ITSN1: variants seen among roughly 807,000 people sequenced by gnomAD.
ITSN1 encodes intersectin 1.
A neutral mutation model predicts 239.8 loss-of-function variants in ITSN1; 58 were observed. The observed-to-expected ratio is 0.24, with a 90% CI of 0.20 to 0.30. ITSN1 has a LOEUF of 0.30. ITSN1 is among the 10% of genes least tolerant of loss of function. The pLI, the probability that ITSN1 is intolerant of heterozygous loss-of-function variation, is 1.00. For synonymous variants in ITSN1, 780 were observed against 770.8 expected, an observed-to-expected ratio of 1.01 and a Z score of -0.20; for missense variants, 1,558 against 2,103.3, an observed-to-expected ratio of 0.74 and a Z score of 5.07.
At chr21:33,767,514 C>T (rs2068807634) in intron 10 of ITSN1, among the ~76,000 whole-genome samples, 199 bp from the exon 11 acceptor site, 2 of 152,190 alleles carry the variant, frequency 1.3e-5, no homozygotes. Flanking sequence ...AAGCTTGGCA[C>T]TCAGAGTCTG....
chr21:33,869,788 G>C (rs1323628219), intron 33 of ITSN1, among the ~76,000 whole-genome samples: 1 of 152,040 alleles, frequency 6.6e-6, no homozygotes, highest in Admixed American at 6.5e-5. Flanking sequence ...CTACTGGGGT[G>C]ATTTTGTTTT....
intron 10 of ITSN1, among the ~76,000 whole-genome samples, chr21:33,767,275 G>A (rs958947780): frequency 2.0e-5 from 3 of 152,182 alleles, no homozygotes; most frequent in East Asian, 1.9e-4. Context: ...TATAGACATT[G>A]CATGTGTTTC....
intron 5 of ITSN1, among the ~76,000 whole-genome samples, chr21:33,743,523 G>A (rs2066992202): frequency 7.3e-6 from 1 of 136,932 alleles, no homozygotes; most frequent in Admixed American, 7.7e-5. Context: ...ACAGTAACAA[G>A]TATTTAAGAC....
intron 31 of ITSN1, among the ~76,000 whole-genome samples, chr21:33,860,762 G>A (rs907846745): frequency 8.5e-5 from 13 of 152,118 alleles, no homozygotes; most frequent in African/African-American, 2.7e-4. Flanking sequence ...TCCTGCCCCC[G>A]TGGAAAAAAA....
rs545845224 is a variant in ITSN1, at chr21:33,812,489, A to T, written c.2567+1267A>T. ...AGTCACACAGACATGTTTATCTAAAATTATTTTTTATTATTTATTATTATT... is the reference window on the plus strand; with the variant it reads ...AGTCACACAGACATGTTTATCTAAATTTATTTTTTATTATTTATTATTATT... On this transcript the variant is annotated intron_variant, in intron 21 of 39. Coordinates refer to ENST00000381318, the MANE Select transcript of ITSN1 (RefSeq NM_003024.3). Among the ~76,000 whole-genome samples the T allele has an allele frequency of 5.9e-5, 9 of 152,236 alleles. No individual in the cohort carries two copies. The South Asian group carries it at 1.4e-3, about 25-fold the overall frequency.
chr21:33,886,352 G>C lies in ITSN1; in HGVS notation c.4909G>C (p.Asp1637His). ...SQCHITKTIQ[D>H]TLNPKWNSNC... ...GTGCCACATCACCAAGACGATCCAGGACACTCTGAACCCCAAGTGGAATTC... is the reference window on the plus strand; with the variant it reads ...GTGCCACATCACCAAGACGATCCAGCACACTCTGAACCCCAAGTGGAATTC... Residue 1637 changes from aspartate to histidine, a missense_variant, in exon 39 of 40, where the codon GAC (aspartate) becomes CAC (histidine). Asp to His is a moderately conservative substitution (Grantham distance 81). Around this residue, in one of 2 missense-constraint regions of ITSN1, gnomAD observed 576 missense variants for 893.3 expected, o/e 0.64. Transcript: ENST00000381318. The C allele has an allele frequency of 1.2e-6, 2 of 1,614,134 alleles. No individual in the cohort carries two copies. Among genetic ancestry groups the C allele is most frequent in the South Asian group, 2.2e-5 (2 of 91,076 alleles).
intron 31 of ITSN1, among the ~76,000 whole-genome samples, chr21:33,859,008 C>T (rs1297409420): frequency 6.6e-6 from 1 of 152,052 alleles, no homozygotes; most frequent in East Asian, 1.9e-4. Flanking sequence ...GAGTAGGTTT[C>T]CTGGGCACCC....
At chr21:33,830,637 T>G (rs1370710993) in intron 27 of ITSN1, among the ~76,000 whole-genome samples, 1 of 152,090 alleles carries the variant, frequency 6.6e-6, no homozygotes, top group Non-Finnish European at 1.5e-5. Flanking sequence ...CTAGACTCAG[T>G]GCAGTATCTA....
chr21:33,796,528 G>A (rs1401526888), intron 17 of ITSN1, among the ~76,000 whole-genome samples: 2 of 152,200 alleles, frequency 1.3e-5, no homozygotes, highest in Non-Finnish European at 2.9e-5. Context: ...CCGATGACCT[G>A]TGTGCGTTAG....
chr21:33,768,566 T>C (rs2068885903), intron 11 of ITSN1, among the ~76,000 whole-genome samples: 1 of 152,024 alleles, frequency 6.6e-6, no homozygotes, highest in Admixed American at 6.6e-5. Flanking sequence ...TAGGCGTGAG[T>C]CACTGTGCCC....
At chr21:33,802,286 A>G in intron 19 of ITSN1, 144 bp from the exon 20 acceptor site, 3 of 722,076 alleles carry the variant, frequency 4.2e-6, no homozygotes, top group Non-Finnish European at 4.8e-6. Context: ...TTGTAATCCT[A>G]GGCCTGTTGA....
chr21:33,746,027 A>G lies in ITSN1; in HGVS notation c.347-4116A>G, dbSNP rs114484631. On this transcript the variant is annotated intron_variant, in intron 5 of 39. Coordinates refer to ENST00000381318, the MANE Select transcript of ITSN1 (RefSeq NM_003024.3). Reference sequence around the variant, plus strand: ...CCTTACTGACTTGAGGTGTTTGAGCACAACTTCCGTCCCATCATTGGCTGA... The same window carrying G: ...CCTTACTGACTTGAGGTGTTTGAGCGCAACTTCCGTCCCATCATTGGCTGA... Among the ~76,000 whole-genome samples, 448 of 152,338 alleles carry G rather than the reference A, an allele frequency of 2.9e-3. 3 individuals are homozygous for G. The highest frequency in any genetic ancestry group is 0.01 in the African/African-American group (422 of 41,576).
At chr21:33,667,309 A>G (rs1410093376) in intron 1 of ITSN1, among the ~76,000 whole-genome samples, 4 of 152,024 alleles carry the variant, frequency 2.6e-5, no homozygotes, top group African/African-American at 9.7e-5. Context: ...GTGATCCTCA[A>G]TAATTTTTAA....
chr21:33,829,250 G>T (rs1032515335), intron 26 of ITSN1: 1 of 346,094 alleles, frequency 2.9e-6, no homozygotes, highest in Non-Finnish European at 5.6e-6. Context: ...CTGTGCTGGG[G>T]TGGGTGGTGA....
At chr21:33,713,024 C>G (rs1479613986) in intron 1 of ITSN1, among the ~76,000 whole-genome samples, 1 of 151,860 alleles carries the variant, frequency 6.6e-6, no homozygotes, top group Non-Finnish European at 1.5e-5. Flanking sequence ...ATTACGAGTG[C>G]CCACCACCAC....
chr21:33,736,921 C>A (rs1184025567), intron 5 of ITSN1, among the ~76,000 whole-genome samples: 1 of 152,098 alleles, frequency 6.6e-6, no homozygotes. Context: ...AGAGGTCAAG[C>A]CTGCAGTGAG....
chr21:33,898,306 G>A lies in ITSN1; in HGVS notation c.*10006G>A, dbSNP rs1474142707. On this transcript the variant is annotated 3_prime_UTR_variant, in exon 40 of 40. Coordinates refer to ENST00000381318, the MANE Select transcript of ITSN1 (RefSeq NM_003024.3). ...TGCATCCTCACTGTCTTCAACTGTT[G>A]CATAGCCAGGTGGGTGGATGGATGG... 2 of 152,348 alleles carry A rather than the reference G, an allele frequency of 1.3e-5. No individual in the cohort carries two copies. The highest frequency in any genetic ancestry group is 3.8e-4 in the East Asian group (2 of 5,196). The allele number at this position is 152,348 out of a possible 1,614,324, so 9.4% of individuals were successfully genotyped here.
chr21:33,876,447 C>CCA (rs998464243), intron 34 of ITSN1, among the ~76,000 whole-genome samples: 43 of 152,110 alleles, frequency 2.8e-4, no homozygotes, highest in African/African-American at 9.4e-4. Context: ...TCAATGCAGC[C>CCA]TGGACCACCT....
intron 9 of ITSN1, among the ~76,000 whole-genome samples, chr21:33,765,632 T>G (rs540350178): frequency 6.6e-6 from 1 of 152,318 alleles, no homozygotes; most frequent in African/African-American, 2.4e-5. Context: ...ATGTTAAATA[T>G]GCAAAGGTTG....
Sources: allele counts gnomAD v4.1 joint callset (sites outside exome capture counted in the v4.1 genomes callset), GRCh38; gene constraint gnomAD v4.1.1; regional missense constraint gnomAD v4.1.1; transcripts MANE v1.5; gene names NCBI Gene and HGNC (gene_info 2026-07-23, HGNC 2026-07-21).